The following CDH4 variants were observed in gnomAD, a reference collection of about 807,000 sequenced individuals.
CDH4 encodes the protein cadherin 4.
In CDH4, 33 loss-of-function variants were observed where a neutral mutation model predicts 86.0. The ratio of observed to expected loss-of-function variants is 0.38; its 90% CI spans 0.29 to 0.51. CDH4 has a LOEUF of 0.51. CDH4 is among the 20% of genes least tolerant of loss of function. The pLI, the probability that CDH4 is intolerant of heterozygous loss-of-function variation, is 0.86. For missense variants in CDH4, 1,114 were observed against 1,307.4 expected (o/e 0.85, Z 2.28); for synonymous variants, 555 against 549.4 (o/e 1.01, Z -0.14).
At chr20:61,519,662 G>C (rs963016184) in intron 2 of CDH4, among the ~76,000 whole-genome samples, 1 of 152,250 alleles carries the variant, frequency 6.6e-6, no homozygotes, top group African/African-American at 2.4e-5. Context: ...ATCGCAGGGC[G>C]ATTACCCTGT....
intron 7 of CDH4, among the ~76,000 whole-genome samples, chr20:61,887,464 C>T (rs1175613492): frequency 2.0e-5 from 3 of 152,224 alleles, no homozygotes; most frequent in Admixed American, 6.5e-5. Context: ...CACACATACA[C>T]GTGTGTATAC....
chr20:61,485,074 C>T (rs1010215130), intron 2 of CDH4, among the ~76,000 whole-genome samples: 2 of 152,150 alleles, frequency 1.3e-5, no homozygotes, highest in African/African-American at 4.8e-5. Context: ...AGCTTCATTT[C>T]GTGAAATGAA....
chr20:61,323,957 A>G (rs2084523499), intron 2 of CDH4, among the ~76,000 whole-genome samples: 1 of 152,172 alleles, frequency 6.6e-6, no homozygotes, highest in African/African-American at 2.4e-5. Context: ...AGTTACGGGA[A>G]AATATTAGCT....
chr20:61,760,136 T>C (rs892113131), intron 3 of CDH4, among the ~76,000 whole-genome samples: 1 of 152,084 alleles, frequency 6.6e-6, no homozygotes, highest in Non-Finnish European at 1.5e-5. Flanking sequence ...CTTCTGTATC[T>C]TCGCTTTTGG....
chr20:61,420,861 G>A (rs1054445797), intron 2 of CDH4, among the ~76,000 whole-genome samples: 3 of 151,928 alleles, frequency 2.0e-5, no homozygotes, highest in African/African-American at 4.8e-5. Context: ...AGGTGTCCAC[G>A]CACAGTGCAC....
At chr20:61,855,347 G>A (rs1466289384) in intron 6 of CDH4, among the ~76,000 whole-genome samples, 1 of 152,212 alleles carries the variant, frequency 6.6e-6, no homozygotes, top group East Asian at 1.9e-4. Flanking sequence ...GGGAATGAAT[G>A]TGACATTATT....
At chr20:61,885,121 T>TG (rs1445695372) in intron 7 of CDH4, among the ~76,000 whole-genome samples, 2 of 152,116 alleles carry the variant, frequency 1.3e-5, no homozygotes, top group Non-Finnish European at 2.9e-5. Context: ...CAGCGGGGAC[T>TG]GAAGTCGACA....
chr20:61,885,139 C>T (rs536768983), intron 7 of CDH4, among the ~76,000 whole-genome samples: 2 of 152,312 alleles, frequency 1.3e-5, no homozygotes, highest in Admixed American at 1.3e-4. Flanking sequence ...ACACATAGCA[C>T]GTTCGTGCCT....
At chr20:61,478,780 T>G (rs2085553439) in intron 2 of CDH4, among the ~76,000 whole-genome samples, 1 of 152,194 alleles carries the variant, frequency 6.6e-6, no homozygotes, top group Non-Finnish European at 1.5e-5. Flanking sequence ...AAGTTGAAAA[T>G]CACCCTTTTG....
intron 2 of CDH4, among the ~76,000 whole-genome samples, chr20:61,500,894 C>T (rs570103799): frequency 2.0e-4 from 30 of 152,352 alleles, no homozygotes; most frequent in African/African-American, 6.0e-4. Context: ...CCCACGCAGC[C>T]GCTCTTGATG....
intron 2 of CDH4, among the ~76,000 whole-genome samples, chr20:61,481,704 G>A (rs777524059): frequency 2.0e-4 from 30 of 152,272 alleles, no homozygotes; most frequent in Middle Eastern, 3.4e-3. Flanking sequence ...AAGCACACAC[G>A]GTATGGATAC....
At chr20:61,932,933 C>T in intron 13 of CDH4, 52 bp from the exon 14 acceptor site, 3 of 1,592,256 alleles carry the variant, frequency 1.9e-6, no homozygotes, top group Non-Finnish European at 2.6e-6. Flanking sequence ...CACAGAGGCA[C>T]ACATGCGCAC....
chr20:61,469,029 G>A (rs1479616635), intron 2 of CDH4, among the ~76,000 whole-genome samples: 1 of 152,132 alleles, frequency 6.6e-6, no homozygotes, highest in Non-Finnish European at 1.5e-5. Context: ...TGGTAGCAAA[G>A]ATGTCTCTTT....
chr20:61,753,182 G>A (rs1477019199), intron 3 of CDH4, among the ~76,000 whole-genome samples: 4 of 152,116 alleles, frequency 2.6e-5, no homozygotes, highest in Non-Finnish European at 5.9e-5. Context: ...CCAGGGCAGT[G>A]TTTATTGAGA....
rs1322413367 is a variant in CDH4, at chr20:61,663,772, G to A, written c.170-79791G>A. Among the ~76,000 whole-genome samples the A allele has an allele frequency of 2.6e-5, 4 of 152,128 alleles. 1 individual carries two copies. The highest frequency in any genetic ancestry group is 1.9e-4 in the East Asian group (1 of 5,178). ...GGTCGGGGGAAGATCAGGAGCTCCC[G>A]GTGTCCAGGCTGCACAATGTGGGCA... On this transcript the variant is annotated intron_variant, in intron 2 of 15. Coordinates refer to ENST00000614565, the MANE Select transcript of CDH4 (RefSeq NM_001794.5). This position sits in a 1 kb window ranked among gnomAD's most constrained non-coding sequence, Gnocchi z 5.0.
intron 6 of CDH4, among the ~76,000 whole-genome samples, chr20:61,857,517 C>T (rs1983071905): frequency 6.6e-6 from 1 of 152,364 alleles, no homozygotes; most frequent in South Asian, 2.1e-4. Flanking sequence ...GCCCAGTTTC[C>T]AGCGAGGCCT....
intron 2 of CDH4, among the ~76,000 whole-genome samples, chr20:61,257,699 C>G (rs1342142995): frequency 5.9e-5 from 9 of 152,342 alleles, no homozygotes; most frequent in African/African-American, 1.9e-4. Context: ...TTCTCTAAAC[C>G]GTAGTTTAGT....
At chr20:61,295,945 T>C (rs1177082396) in intron 2 of CDH4, among the ~76,000 whole-genome samples, 2 of 152,026 alleles carry the variant, frequency 1.3e-5, no homozygotes, top group Non-Finnish European at 2.9e-5. Context: ...GAAAGTGCCA[T>C]GGGTATCGCG....
chr20:61,741,248 G>T (rs1005692543), intron 2 of CDH4, among the ~76,000 whole-genome samples: 10 of 152,140 alleles, frequency 6.6e-5, no homozygotes, highest in African/African-American at 1.7e-4. Flanking sequence ...AAGCCAGTGT[G>T]CAGGGGCCCT....
Sources: gnomAD v4.1 joint callset for allele counts (sites outside exome capture counted in the v4.1 genomes callset) on GRCh38, gnomAD v4.1.1 for gene constraint, Gnocchi (gnomAD v3.1) non-coding constraint, MANE v1.5 for transcripts, NCBI Gene and HGNC (gene_info 2026-07-23, HGNC 2026-07-21) for gene names.